Variants in EPHA4 observed in about 807,000 individuals in gnomAD.
EPHA4 encodes the protein EPH receptor A4, also known as ephrin type-A receptor 4.
Under a neutral mutation model 108.3 loss-of-function variants are expected in EPHA4, and 19 were observed. That is an observed-to-expected ratio of 0.18 (90% confidence interval 0.12 to 0.26). EPHA4 has a LOEUF of 0.26. EPHA4 is among the 10% of genes least tolerant of loss of function. EPHA4 has a pLI of 1.00. For missense variants in EPHA4, 917 were observed against 1,254.0 expected, an observed-to-expected ratio of 0.73 and a Z score of 4.06; for synonymous variants, 449 against 455.5, an observed-to-expected ratio of 0.99 and a Z score of 0.18.
intron 4 of EPHA4, 109 bp from the exon 5 acceptor site, chr2:221,482,799 G>A: frequency 5.1e-6 from 5 of 977,406 alleles, no homozygotes; most frequent in Non-Finnish European, 3.0e-6. Flanking sequence ...AAACCCACTT[G>A]GCAAAGAAAG....
Position 221,420,465 on chromosome 2 carries a change from G to A in EPHA4, c.*907C>T, listed in dbSNP as rs904576562. On this transcript the variant is annotated 3_prime_UTR_variant, in exon 18 of 18. Transcript: ENST00000281821. Reference sequence around the variant, plus strand: ...TGAAGCAGAAGAAACACATTTAGACGGAACTGAGGAGGGTGTGTTCTGTTT... The same window carrying A: ...TGAAGCAGAAGAAACACATTTAGACAGAACTGAGGAGGGTGTGTTCTGTTT... The A allele has an allele frequency of 2.0e-5, 3 of 152,636 alleles. No homozygotes were observed. The highest frequency in any genetic ancestry group is 6.5e-5 in the Admixed American group (1 of 15,272). The allele number at this position is 152,636 out of a possible 1,614,324, so 9.5% of individuals were successfully genotyped here.
At chr2:221,481,470 T>C (rs1691817882) in intron 5 of EPHA4, among the ~76,000 whole-genome samples, 1 of 151,858 alleles carries the variant, frequency 6.6e-6, no homozygotes, top group East Asian at 1.9e-4. Context: ...GTCAATATGG[T>C]GAAACCCCAT....
chr2:221,476,861 TCTTACA>T (rs1379757307), intron 5 of EPHA4, among the ~76,000 whole-genome samples: 4 of 152,180 alleles, frequency 2.6e-5, no homozygotes, highest in African/African-American at 4.8e-5. Flanking sequence ...ACAGTGTGCC[TCTTACA>T]CTTAGTTATT....
intron 5 of EPHA4, among the ~76,000 whole-genome samples, chr2:221,471,178 TAATAAA>T (rs1691476360): frequency 6.6e-6 from 1 of 152,110 alleles, no homozygotes; most frequent in Admixed American, 6.6e-5. Context: ...TCATAAGAAA[TAATAAA>T]GAATGTATTA....
At chr2:221,435,721 C>T (rs1690209615) in intron 13 of EPHA4, among the ~76,000 whole-genome samples, 1 of 152,114 alleles carries the variant, frequency 6.6e-6, no homozygotes, top group East Asian at 1.9e-4. Flanking sequence ...GTACTTAAAA[C>T]TCTTCACTGT....
chr2:221,470,588 C>T (rs1691451391), intron 5 of EPHA4, among the ~76,000 whole-genome samples: 1 of 75,046 alleles, frequency 1.3e-5, no homozygotes, highest in Admixed American at 1.4e-4. Flanking sequence ...TCTGCTTTTC[C>T]CTAAAGTATC....
chr2:221,560,935 A>C (rs898462866), intron 3 of EPHA4, among the ~76,000 whole-genome samples: 5 of 152,138 alleles, frequency 3.3e-5, no homozygotes, highest in Non-Finnish European at 4.4e-5. Context: ...TTAGAGTCTC[A>C]AGTCATCTTT....
At chr2:221,559,158 T>C (rs1466048013) in intron 3 of EPHA4, among the ~76,000 whole-genome samples, 2 of 152,226 alleles carry the variant, frequency 1.3e-5, no homozygotes. Flanking sequence ...TACCTTTTGT[T>C]GATATGAGTA....
chr2:221,464,429 G>A (rs1224664094), intron 5 of EPHA4, among the ~76,000 whole-genome samples: 3 of 152,150 alleles, frequency 2.0e-5, no homozygotes, highest in African/African-American at 7.2e-5. Flanking sequence ...ATATCCTTGT[G>A]ATTAAGGGTT....
intron 5 of EPHA4, among the ~76,000 whole-genome samples, chr2:221,477,064 ATTAT>A (rs1294309785): frequency 1.3e-5 from 2 of 151,526 alleles, no homozygotes; most frequent in Non-Finnish European, 2.9e-5. Context: ...TATTATTATT[ATTAT>A]TATTATTTTG....
intron 3 of EPHA4, among the ~76,000 whole-genome samples, chr2:221,506,980 G>T (rs766065624): frequency 4.6e-5 from 7 of 152,054 alleles, no homozygotes; most frequent in Non-Finnish European, 1.0e-4. Context: ...TTGGTTTCAA[G>T]GAAAATGTTC....
At chr2:221,435,358 A>G (rs1451022533) in intron 13 of EPHA4, among the ~76,000 whole-genome samples, 2 of 152,214 alleles carry the variant, frequency 1.3e-5, no homozygotes, top group Non-Finnish European at 2.9e-5. Flanking sequence ...AAAAAATAAA[A>G]GATCTTCAAC....
intron 3 of EPHA4, among the ~76,000 whole-genome samples, chr2:221,505,630 T>G (rs1320951848): frequency 6.6e-6 from 1 of 152,184 alleles, no homozygotes; most frequent in Non-Finnish European, 1.5e-5. Flanking sequence ...GGGCTAAAAT[T>G]TATTTTTCAA....
chr2:221,448,835 T>C (rs746950336), intron 8 of EPHA4, among the ~76,000 whole-genome samples: 1 of 152,160 alleles, frequency 6.6e-6, no homozygotes, highest in Non-Finnish European at 1.5e-5. Context: ...CAACTTAAAA[T>C]TGTCAATGAA....
intron 8 of EPHA4, among the ~76,000 whole-genome samples, chr2:221,450,576 T>C (rs1420512102): frequency 6.6e-6 from 1 of 152,218 alleles, no homozygotes; most frequent in African/African-American, 2.4e-5. Context: ...TGAATTCCTG[T>C]CCTGATCAGC....
chr2:221,528,146 T>C (rs1306775160), intron 3 of EPHA4, among the ~76,000 whole-genome samples: 1 of 152,144 alleles, frequency 6.6e-6, no homozygotes, highest in Non-Finnish European at 1.5e-5. Flanking sequence ...AGATTCCTGA[T>C]ACAAAGGCCT....
intron 5 of EPHA4, among the ~76,000 whole-genome samples, chr2:221,458,256 T>C (rs1227390544): frequency 6.6e-6 from 1 of 152,162 alleles, no homozygotes; most frequent in East Asian, 1.9e-4. Context: ...CCACAGCACG[T>C]AGAGACATTT....
rs575351266 is a variant in EPHA4, at chr2:221,552,119, C to G, written c.823+11612G>C. Among the ~76,000 whole-genome samples, 6 of 152,166 alleles carry G rather than the reference C, an allele frequency of 3.9e-5. No homozygotes were observed. The South Asian group carries it at 1.2e-3, about 32-fold the overall frequency. ...TATCTACAAGTCCACGCTCAAAAAC[C>G]AGAGGCTGCTTATGTCTTCTTTTTC... is the stretch of plus-strand genomic sequence containing the variant. On this transcript the variant is annotated intron_variant, in intron 3 of 17. Transcript: ENST00000281821.
rs1691158062 is a variant in EPHA4, at chr2:221,461,984, TC to T, written c.1319-3995del. 4.3e-5 allele frequency among the ~76,000 whole-genome samples: 4 copies of T among 93,700 alleles called. No homozygotes were observed. In the South Asian group the frequency reaches 1.5e-3, roughly 35 times the overall value. The allele number at this position is 93,700 out of a possible 152,430, so 61.5% of individuals were successfully genotyped here. A position where few individuals can be genotyped will look rare whatever the true frequency, so the allele number is the denominator to read the frequency against. ...GAAGCTGGGGGGCTGATGAACACAT[TC>T]TTTTTTTTTTTTTTTTACATTCTTA... On this transcript the variant is annotated intron_variant, in intron 5 of 17. Transcript: ENST00000281821.
Sources: allele counts gnomAD v4.1 joint callset (sites outside exome capture counted in the v4.1 genomes callset), GRCh38; gene constraint gnomAD v4.1.1; transcripts MANE v1.5; gene names NCBI Gene and HGNC (gene_info 2026-07-23, HGNC 2026-07-21).